SELP: variants seen among roughly 807,000 people sequenced by gnomAD.
SELP encodes the protein P-selectin.
SELP carries 92 observed loss-of-function variants against 104.1 expected under a neutral mutation model. That is an observed-to-expected ratio of 0.88 (90% CI 0.75 to 1.05). SELP has a LOEUF of 1.05. Among genes scored for constraint, SELP ranks in the 50% least tolerant of loss-of-function variants. SELP has a pLI of 0.00. For synonymous variants in SELP, 397 were observed against 364.5 expected, an observed-to-expected ratio of 1.09 and a Z score of -1.01; for missense variants, 1,022 against 1,017.3, an observed-to-expected ratio of 1.00 and a Z score of -0.06.
chr1:169,621,093 T>TTGTGTG (rs113157169), intron 1 of SELP, among the ~76,000 whole-genome samples: 11 of 90,480 alleles, frequency 1.2e-4, no homozygotes, highest in South Asian at 7.6e-4. Context: ...TGGTGTGGAG[T>TTGTGTG]TGTGTGTGTG....
intron 10 of SELP, among the ~76,000 whole-genome samples, chr1:169,600,006 A>G (rs1255466677): frequency 2.0e-5 from 3 of 152,318 alleles, no homozygotes; most frequent in Middle Eastern, 3.4e-3. Context: ...AAGTGGTCCA[A>G]CAGGCAGGGA....
At chr1:169,629,289 C>T (rs1663523183) in intron 1 of SELP, among the ~76,000 whole-genome samples, 1 of 152,182 alleles carries the variant, frequency 6.6e-6, no homozygotes. Context: ...CCTAGCTATC[C>T]TTGGATCTTC....
intron 3 of SELP, among the ~76,000 whole-genome samples, chr1:169,616,029 G>A (rs1662790086): frequency 1.3e-5 from 2 of 152,136 alleles, no homozygotes; most frequent in African/African-American, 4.8e-5. Flanking sequence ...CCTCTGGACA[G>A]GGAAGCAACA....
chr1:169,616,447 A>C (rs1662815404), intron 3 of SELP, among the ~76,000 whole-genome samples: 1 of 152,210 alleles, frequency 6.6e-6, no homozygotes, highest in South Asian at 2.1e-4. Context: ...TTCCCTCATC[A>C]GCAAAGTAAG....
Position 169,612,307 on chromosome 1 carries a change from T to C in SELP, c.871A>G (p.Ser291Gly), listed in dbSNP as rs1347849625. 1.2e-6 allele frequency: 2 copies of C among 1,614,136 alleles called. No homozygotes were observed. Among genetic ancestry groups the C allele is most frequent in the East Asian group, 2.2e-5 (1 of 44,880 alleles). ...AFQHQSSCSFSCEEGFALVGP... is the reference protein window; with the variant it reads ...AFQHQSSCSFGCEEGFALVGP... ...ACTAATGCAAATCCCTCTTCACAAC[T>C]GAAGCTGCAGCTAGACTGATGCTGG... The change falls in exon 6 of 17, where the codon AGT becomes GGT. Residue 291 changes from serine to glycine, a missense_variant. Ser to Gly is a moderately conservative substitution (Grantham distance 56, BLOSUM62 0). Transcript: ENST00000263686.
intron 7 of SELP, among the ~76,000 whole-genome samples, chr1:169,610,761 AGAGT>A (rs1252404229): frequency 6.6e-6 from 1 of 152,090 alleles, no homozygotes; most frequent in African/African-American, 2.4e-5. Context: ...CCTGGGCGAC[AGAGT>A]GAGACTCTGT....
chr1:169,617,305 C>T lies in SELP; in HGVS notation c.204G>A (p.Val68=). ...CAATTTCATTTTTATTCTGGATGGC[C>T]ACTAAGTCTGTGTAGCGATTCTGGC... ...KYCQNRYTDL[V]AIQNKNEIDY... The change falls in exon 3 of 17, where the codon GTG becomes GTA. Residue 68 remains valine (V), a synonymous_variant. Coordinates refer to ENST00000263686, the MANE Select transcript of SELP (RefSeq NM_003005.4). 6.2e-7 allele frequency: 1 copy of T among 1,614,010 alleles called. No homozygotes were observed. Among genetic ancestry groups the T allele is most frequent in the Non-Finnish European group, 8.5e-7 (1 of 1,180,004 alleles).
At chr1:169,607,650 C>CA (rs779467180) in intron 8 of SELP, among the ~76,000 whole-genome samples, 15 of 152,166 alleles carry the variant, frequency 9.9e-5, no homozygotes, top group Non-Finnish European at 1.9e-4. Context: ...ACCATGATCT[C>CA]AAAGATGTAA....
chr1:169,623,186 G>GC (rs35459911), intron 1 of SELP, among the ~76,000 whole-genome samples: 152,309 of 152,310 alleles, frequency 1, 76,154 homozygotes, highest in Middle Eastern at 1. Context: ...CCTGGGCTTT[G>GC]CTCTATTCAG....
Position 169,609,520 on chromosome 1 carries a change from T to TG in SELP, c.1316dup (p.Ala440SerfsTer17), listed in dbSNP as rs768315080. ...TTACAGTACCTTGACAGACTGGGGCTGGTGCTGTCCACTGTCCCAAGTTAT... is the reference window on the plus strand; with the variant it reads ...TTACAGTACCTTGACAGACTGGGGCTGGGTGCTGTCCACTGTCCCAAGTTAT... On this transcript the variant is annotated frameshift_variant, in exon 8 of 17. Coordinates refer to ENST00000263686, the MANE Select transcript of SELP (RefSeq NM_003005.4). LOFTEE classifies it high-confidence loss of function. The TG allele has an allele frequency of 6.8e-6, 11 of 1,613,314 alleles. No homozygotes were observed. Among genetic ancestry groups the TG allele is most frequent in the African/African-American group, 1.3e-5 (1 of 74,850 alleles).
chr1:169,613,583 C>T lies in SELP; in HGVS notation c.589+3G>A, dbSNP rs1440528291. ...AATAATATCAACAAAAAGGAAGCCT[C>T]ACCGTATTCACATTCTGGCCCATAG... is the stretch of plus-strand genomic sequence containing the variant. On this transcript the variant is annotated splice_donor_region_variant and intron_variant, in intron 4 of 16. Transcript: ENST00000263686. The T allele has an allele frequency of 1.2e-6, 2 of 1,610,478 alleles. No homozygotes were observed. The highest frequency in any genetic ancestry group is 1.3e-5 in the African/African-American group (1 of 74,844).
At chr1:169,597,324 A>G in intron 10 of SELP, 148 bp from the exon 11 acceptor site, 2 of 633,792 alleles carry the variant, frequency 3.2e-6, no homozygotes, top group East Asian at 2.9e-5. Context: ...TCCACAACAT[A>G]TCATGTAGGT....
At chr1:169,590,786 C>T (rs1661320260) in intron 15 of SELP, among the ~76,000 whole-genome samples, 1 of 151,822 alleles carries the variant, frequency 6.6e-6, no homozygotes, top group Non-Finnish European at 1.5e-5. Context: ...GCATACTGTC[C>T]CTTTTTGAAA....
At chr1:169,593,786 T>C in intron 13 of SELP, 62 bp from the exon 14 acceptor site, 1 of 1,575,422 alleles carries the variant, frequency 6.3e-7, no homozygotes, top group Non-Finnish European at 8.6e-7. Context: ...AGACTAGTCT[T>C]TCTCTCCCAG....
Position 169,617,132 on chromosome 1 carries a change from CTT to C in SELP, c.375_376del (p.Arg126GlufsTer21), listed in dbSNP as rs1353110268. On this transcript the variant is annotated frameshift_variant, in exon 3 of 17. Coordinates refer to ENST00000263686, the MANE Select transcript of SELP (RefSeq NM_003005.4). LOFTEE classifies it high-confidence loss of function. ...TATCTCCACGCAGTCCTCGTTGTTC[CTT>C]TTGTTGTTAGGTTCATTATCAGCCC... The C allele has an allele frequency of 6.2e-7, 1 of 1,613,870 alleles. No individual in the cohort carries two copies. The highest frequency in any genetic ancestry group is 2.2e-5 in the East Asian group (1 of 44,888).
At chr1:169,619,261 C>A (rs570140322) in intron 1 of SELP, 42 bp from the exon 2 acceptor site, 1 of 1,403,722 alleles carries the variant, frequency 7.1e-7, no homozygotes, top group African/African-American at 1.4e-5. Flanking sequence ...ATCCATACAC[C>A]ACCAACATGG....
At chr1:169,623,271 A>G (rs917482533) in intron 1 of SELP, among the ~76,000 whole-genome samples, 15 of 152,192 alleles carry the variant, frequency 9.9e-5, no homozygotes, top group Non-Finnish European at 1.8e-4. Context: ...CTCCCTGAAC[A>G]GAGTATTTCT....
At chr1:169,625,415 G>A (rs1490209311) in intron 1 of SELP, among the ~76,000 whole-genome samples, 8 of 152,058 alleles carry the variant, frequency 5.3e-5, no homozygotes, top group Non-Finnish European at 1.5e-5. Context: ...CTGCTTTCCT[G>A]GGAAGTAAAG....
chr1:169,606,692 C>A (rs897833078), intron 9 of SELP, among the ~76,000 whole-genome samples: 4 of 152,136 alleles, frequency 2.6e-5, no homozygotes, highest in Admixed American at 2.0e-4. Context: ...TGGGTAAAGA[C>A]CCTGATAAGG....
Sources: allele counts gnomAD v4.1 joint callset (sites outside exome capture counted in the v4.1 genomes callset), GRCh38; gene constraint gnomAD v4.1.1; transcripts MANE v1.5; gene names NCBI Gene and HGNC (gene_info 2026-07-23, HGNC 2026-07-21).